The following FUT9 variants were observed in gnomAD, a reference collection of about 807,000 sequenced individuals.
The protein encoded by FUT9 is fucosyltransferase 9.
Under a neutral mutation model 29.7 loss-of-function variants are expected in FUT9, and 15 were observed. The observed-to-expected ratio is 0.51, with a 90% confidence interval of 0.34 to 0.78. The LOEUF is 0.78. FUT9 is among the 30% of genes least tolerant of loss of function. FUT9 has a pLI of 0.01. For missense variants in FUT9, 319 were observed against 425.4 expected (o/e 0.75, Z 2.20); for synonymous variants, 169 against 153.7 (o/e 1.10, Z -0.74).
intron 2 of FUT9, among the ~76,000 whole-genome samples, chr6:96,141,719 A>G (rs1042006579): frequency 4.6e-5 from 7 of 152,336 alleles, no homozygotes; most frequent in Non-Finnish European, 1.0e-4. Flanking sequence ...ATTATGTTGC[A>G]AGCTGAGAAT....
chr6:96,180,348 A>G (rs1773282569), intron 2 of FUT9, among the ~76,000 whole-genome samples: 1 of 152,098 alleles, frequency 6.6e-6, no homozygotes, highest in Non-Finnish European at 1.5e-5. Flanking sequence ...AAAGTTTCAC[A>G]GAGAGCCAGA....
At chr6:96,150,962 A>G (rs536042093) in intron 2 of FUT9, among the ~76,000 whole-genome samples, 1 of 152,332 alleles carries the variant, frequency 6.6e-6, no homozygotes, top group South Asian at 2.1e-4. Context: ...TTTGAGCTGT[A>G]TCACTGATAT....
At chr6:96,053,137 G>A (rs573428778) in intron 1 of FUT9, among the ~76,000 whole-genome samples, 110 of 151,966 alleles carry the variant, frequency 7.2e-4, no homozygotes, top group African/African-American at 2.6e-3. Flanking sequence ...AAAATAATTC[G>A]TATTTTCATC....
chr6:96,149,386 A>AT (rs2127976149), intron 2 of FUT9, among the ~76,000 whole-genome samples: 1 of 152,154 alleles, frequency 6.6e-6, no homozygotes, highest in East Asian at 1.9e-4. Flanking sequence ...CATTATGGGG[A>AT]TAAAATGAAA....
At chr6:96,035,599 T>C (rs1770338574) in intron 1 of FUT9, among the ~76,000 whole-genome samples, 1 of 145,658 alleles carries the variant, frequency 6.9e-6, no homozygotes, top group Non-Finnish European at 1.5e-5. Flanking sequence ...CTTCAAAAGA[T>C]ATCTTAATTT....
intron 1 of FUT9, among the ~76,000 whole-genome samples, chr6:96,052,609 G>A (rs1315602153): frequency 6.6e-6 from 1 of 152,154 alleles, no homozygotes; most frequent in Non-Finnish European, 1.5e-5. Flanking sequence ...ACCTGGCCAG[G>A]TTGTGGCTCA....
chr6:96,092,635 A>C (rs1771429644), intron 1 of FUT9, among the ~76,000 whole-genome samples: 1 of 152,098 alleles, frequency 6.6e-6, no homozygotes, highest in African/African-American at 2.4e-5. Flanking sequence ...GAGACTTTGC[A>C]TATGTCATTT....
rs927728756 is a variant in FUT9 at position 96,208,113 on chromosome 6, T to C, written c.*3878T>C. 2 of 166,966 alleles carry C rather than the reference T, an allele frequency of 1.2e-5. No homozygotes were observed. The highest frequency in any genetic ancestry group is 1.5e-5 in the Non-Finnish European group (1 of 68,020). The allele number at this position is 166,966 out of a possible 1,614,324, so 10.3% of individuals were successfully genotyped here. On this transcript the variant is annotated 3_prime_UTR_variant, in exon 3 of 3. Coordinates refer to ENST00000302103, the MANE Select transcript of FUT9 (RefSeq NM_006581.4). Reference sequence around the variant, plus strand: ...TAGAAAGCTCAGCGCATTTGATGTATAAAGCAACAGAATATTTAGGAATTA... The same window carrying C: ...TAGAAAGCTCAGCGCATTTGATGTACAAAGCAACAGAATATTTAGGAATTA...
intron 2 of FUT9, among the ~76,000 whole-genome samples, chr6:96,182,042 C>T (rs1773318737): frequency 6.6e-6 from 1 of 152,058 alleles, no homozygotes; most frequent in Non-Finnish European, 1.5e-5. Flanking sequence ...ACATTCCCAC[C>T]AGCACTGTAG....
chr6:96,104,666 G>C (rs1350609454), intron 1 of FUT9, among the ~76,000 whole-genome samples: 1 of 152,184 alleles, frequency 6.6e-6, no homozygotes, highest in Non-Finnish European at 1.5e-5. Flanking sequence ...GAGTAGCTGG[G>C]ATTACAGGCG....
intron 2 of FUT9, among the ~76,000 whole-genome samples, chr6:96,161,068 A>G (rs969760236): frequency 6.6e-5 from 10 of 152,210 alleles, no homozygotes; most frequent in African/African-American, 2.2e-4. Flanking sequence ...GTAACACAAG[A>G]GTAGAAACAG....
intron 1 of FUT9, among the ~76,000 whole-genome samples, chr6:96,104,054 A>G (rs1771635273): frequency 6.6e-6 from 1 of 152,206 alleles, no homozygotes; most frequent in African/African-American, 2.4e-5. Context: ...GATTAAATCA[A>G]TTTACATAAA....
intron 2 of FUT9, among the ~76,000 whole-genome samples, chr6:96,173,309 T>G (rs1380593487): frequency 6.6e-6 from 1 of 152,154 alleles, no homozygotes; most frequent in African/African-American, 2.4e-5. Context: ...ACTGATATTG[T>G]CTTGTTTACT....
chr6:96,191,977 A>G (rs1043768070), intron 2 of FUT9, among the ~76,000 whole-genome samples: 2 of 152,228 alleles, frequency 1.3e-5, no homozygotes, highest in East Asian at 3.8e-4. Context: ...ATAGATGCAG[A>G]AAAGGCCTTT....
intron 2 of FUT9, among the ~76,000 whole-genome samples, chr6:96,184,373 TA>T (rs1773366415): frequency 6.6e-6 from 1 of 152,108 alleles, no homozygotes; most frequent in Admixed American, 6.6e-5. Flanking sequence ...CTATCAATTT[TA>T]TTTATCTTTT....
intron 2 of FUT9, among the ~76,000 whole-genome samples, chr6:96,172,476 G>C (rs564324635): frequency 2.0e-5 from 3 of 152,064 alleles, no homozygotes; most frequent in Admixed American, 2.0e-4. Flanking sequence ...CATCTTTTTG[G>C]AAATCATTGC....
intron 2 of FUT9, among the ~76,000 whole-genome samples, chr6:96,172,724 C>CT (rs1170352810): frequency 9.2e-5 from 14 of 152,088 alleles, no homozygotes; most frequent in Middle Eastern, 6.8e-3. Context: ...GGTTCTTCAT[C>CT]AAAACAAAAG....
intron 2 of FUT9, among the ~76,000 whole-genome samples, chr6:96,118,011 G>A (rs1203520185): frequency 6.6e-6 from 1 of 152,018 alleles, no homozygotes; most frequent in Non-Finnish European, 1.5e-5. Flanking sequence ...TTCATGACCA[G>A]CCTGGCCAAC....
intron 1 of FUT9, among the ~76,000 whole-genome samples, chr6:96,058,661 C>T (rs1411569830): frequency 2.6e-5 from 4 of 151,986 alleles, no homozygotes; most frequent in Admixed American, 1.3e-4. Flanking sequence ...TTTAACGCAG[C>T]GGGACCTAGC....
Sources: gnomAD v4.1 joint callset for allele counts (sites outside exome capture counted in the v4.1 genomes callset) on GRCh38, gnomAD v4.1.1 for gene constraint, MANE v1.5 for transcripts, NCBI Gene and HGNC (gene_info 2026-07-23, HGNC 2026-07-21) for gene names.